MBD5: variants seen among roughly 807,000 people sequenced by gnomAD.
MBD5 encodes the protein methyl-CpG-binding domain protein 5.
Under a neutral mutation model 117.3 loss-of-function variants are expected in MBD5, and 13 were observed. The observed-to-expected ratio is 0.11, with a 90% confidence interval of 0.07 to 0.18. The LOEUF (loss-of-function observed/expected upper bound fraction) is 0.18, where lower values mean the gene tolerates loss of function less well. Among genes scored for constraint, MBD5 ranks in the 10% least tolerant of loss-of-function variants. The probability of loss-of-function intolerance (pLI) is 1.00; values close to 1 mark genes in which losing one functional copy is unlikely to be tolerated. For missense variants in MBD5, 1,879 were observed against 2,093.8 expected (o/e 0.90, Z 2.00); for synonymous variants, 727 against 766.4 (o/e 0.95, Z 0.85).
intron 1 of MBD5, among the ~76,000 whole-genome samples, chr2:148,100,915 T>G (rs1370853513): frequency 1.3e-5 from 1 of 74,988 alleles, no homozygotes; most frequent in Non-Finnish European, 4.0e-5. Flanking sequence ...GGGATAGGAT[T>G]GATTGATTGA....
chr2:148,266,455 A>C (rs1039831701), intron 3 of MBD5, among the ~76,000 whole-genome samples: 1 of 152,074 alleles, frequency 6.6e-6, no homozygotes, highest in Non-Finnish European at 1.5e-5. Context: ...CAAGCATGCC[A>C]CTTTAAAGTA....
chr2:148,425,948 C>T (rs888593275), intron 4 of MBD5, among the ~76,000 whole-genome samples: 2 of 152,146 alleles, frequency 1.3e-5, no homozygotes, highest in African/African-American at 4.8e-5. Flanking sequence ...GCAACTTCAG[C>T]AAAGTCTCAG....
intron 3 of MBD5, among the ~76,000 whole-genome samples, chr2:148,287,468 T>A (rs1236076742): frequency 6.6e-6 from 1 of 152,202 alleles, no homozygotes; most frequent in Non-Finnish European, 1.5e-5. Context: ...CAGTTTTTTA[T>A]GCTGATAGAA....
At chr2:148,436,005 A>G (rs1191344805) in intron 4 of MBD5, among the ~76,000 whole-genome samples, 1 of 152,230 alleles carries the variant, frequency 6.6e-6, no homozygotes. Flanking sequence ...AATTCAGTGA[A>G]AAGTTATTCT....
intron 3 of MBD5, among the ~76,000 whole-genome samples, chr2:148,249,350 T>G (rs2106235854): frequency 6.6e-6 from 1 of 152,296 alleles, no homozygotes; most frequent in African/African-American, 2.4e-5. Flanking sequence ...TTTGACCACC[T>G]GCCTACCCAT....
At chr2:148,085,719 G>A (rs1033660649) in intron 1 of MBD5, among the ~76,000 whole-genome samples, 1 of 151,122 alleles carries the variant, frequency 6.6e-6, no homozygotes, top group East Asian at 1.9e-4. Flanking sequence ...GCGAGACTCC[G>A]TCTCAAAAAA....
At chr2:148,166,160 T>G (rs900647166) in intron 1 of MBD5, among the ~76,000 whole-genome samples, 1 of 152,204 alleles carries the variant, frequency 6.6e-6, no homozygotes, top group East Asian at 1.9e-4. Flanking sequence ...CACTTGCTCA[T>G]TCAGGTTTTA....
chr2:148,455,099 T>C lies in MBD5; in HGVS notation c.-556-3104T>C, dbSNP rs371047982. 2.6e-4 allele frequency among the ~76,000 whole-genome samples: 39 copies of C among 152,288 alleles called. No homozygotes were observed. The South Asian group carries it at 3.7e-3, about 15-fold the overall frequency. On this transcript the variant is annotated intron_variant, in intron 4 of 13. Transcript: ENST00000642680. ...TCAGCAGTGAGATTACAGTTCAGTT[T>C]TTATTTTCATCTTCAAACTTCTCTG...
At chr2:148,388,723 G>A (rs1559050643) in intron 4 of MBD5, among the ~76,000 whole-genome samples, 1 of 152,068 alleles carries the variant, frequency 6.6e-6, no homozygotes, top group Admixed American at 6.5e-5. Flanking sequence ...CTTCTCACAT[G>A]ACCTTTTCTC....
At position 148,233,125 on chromosome 2, in the gene MBD5, A is replaced by G. The variant is rs141173696; in HGVS notation, c.-830-120A>G. On this transcript the variant is annotated intron_variant, in intron 2 of 13. Coordinates refer to ENST00000642680, the MANE Select transcript of MBD5 (RefSeq NM_001378120.1). ...CCTTTCTGTTAGAGTCTAAAATTCT[A>G]TGATTTTAAATGAGACTGCATAAAA... The G allele has an allele frequency of 4.6e-5, 7 of 152,366 alleles. No homozygotes were observed. The East Asian group carries it at 1.3e-3, about 29-fold the overall frequency. 9.4% of individuals were successfully genotyped at this position (152,366 alleles called of 1,614,324 possible). A position where few individuals can be genotyped will look rare whatever the true frequency, so the allele number is the denominator to read the frequency against.
chr2:148,181,671 T>C (rs993935905), intron 2 of MBD5, among the ~76,000 whole-genome samples: 4 of 152,192 alleles, frequency 2.6e-5, no homozygotes, highest in African/African-American at 9.6e-5. Context: ...ATTCTTTATA[T>C]ATTTTTTCAT....
At chr2:148,052,919 A>G (rs925071575) in intron 1 of MBD5, among the ~76,000 whole-genome samples, 2 of 149,686 alleles carry the variant, frequency 1.3e-5, no homozygotes, top group Non-Finnish European at 3.0e-5. Flanking sequence ...CCAATATCAC[A>G]TTACTGCACT....
At chr2:148,397,057 G>C (rs1201233662) in intron 4 of MBD5, among the ~76,000 whole-genome samples, 1 of 152,046 alleles carries the variant, frequency 6.6e-6, no homozygotes, top group Non-Finnish European at 1.5e-5. Flanking sequence ...TAATTACTAA[G>C]ACTTGCTGAT....
chr2:148,034,928 C>G (rs1694147590), intron 1 of MBD5, among the ~76,000 whole-genome samples: 1 of 152,076 alleles, frequency 6.6e-6, no homozygotes, highest in African/African-American at 2.4e-5. Context: ...CAGAGACATT[C>G]CTGGGTTTGA....
At chr2:148,340,226 T>C (rs1702902581) in intron 3 of MBD5, among the ~76,000 whole-genome samples, 1 of 152,182 alleles carries the variant, frequency 6.6e-6, no homozygotes, top group Non-Finnish European at 1.5e-5. Context: ...AACAAATTAC[T>C]TGTCTATTCC....
At chr2:148,069,215 G>A (rs1007614333) in intron 1 of MBD5, among the ~76,000 whole-genome samples, 8 of 152,172 alleles carry the variant, frequency 5.3e-5, no homozygotes, top group African/African-American at 1.9e-4. Context: ...AGGTGAGGGG[G>A]AGCAAGTAAG....
intron 3 of MBD5, among the ~76,000 whole-genome samples, chr2:148,286,726 G>T (rs534399013): frequency 2.2e-4 from 34 of 152,182 alleles, no homozygotes; most frequent in African/African-American, 7.7e-4. Flanking sequence ...TATTATTATT[G>T]TTGTTATTAT....
At chr2:148,114,941 G>T (rs1321524722) in intron 1 of MBD5, among the ~76,000 whole-genome samples, 1 of 151,922 alleles carries the variant, frequency 6.6e-6, no homozygotes, top group Non-Finnish European at 1.5e-5. Flanking sequence ...ACCTGTAACA[G>T]TACTCCTTAT....
At chr2:148,403,474 T>C (rs1428125988) in intron 4 of MBD5, among the ~76,000 whole-genome samples, 2 of 152,284 alleles carry the variant, frequency 1.3e-5, no homozygotes, top group East Asian at 3.9e-4. Flanking sequence ...ACCATCAAGC[T>C]CAGCCATAAT....
Sources: allele counts gnomAD v4.1 joint callset (sites outside exome capture counted in the v4.1 genomes callset), GRCh38; gene constraint gnomAD v4.1.1; transcripts MANE v1.5; gene names NCBI Gene and HGNC (gene_info 2026-07-23, HGNC 2026-07-21).